Variants in NCOA2 observed in about 807,000 individuals in gnomAD.
NCOA2 encodes the protein nuclear receptor coactivator 2.
Under a neutral mutation model 145.1 loss-of-function variants are expected in NCOA2, and 21 were observed. That is an observed-to-expected ratio of 0.14 (90% confidence interval 0.10 to 0.21). The LOEUF (loss-of-function observed/expected upper bound fraction) is 0.21. NCOA2 is among the 10% of genes least tolerant of loss of function. The probability of loss-of-function intolerance (pLI) is 1.00; values close to 1 mark genes in which losing one functional copy is unlikely to be tolerated. For missense variants in NCOA2, 1,472 were observed against 1,837.6 expected, an observed-to-expected ratio of 0.80 and a Z score of 3.64; for synonymous variants, 619 against 637.5, an observed-to-expected ratio of 0.97 and a Z score of 0.44.
At chr8:70,258,833 C>A (rs186641006) in intron 2 of NCOA2, among the ~76,000 whole-genome samples, 53 of 152,278 alleles carry the variant, frequency 3.5e-4, no homozygotes, top group African/African-American at 9.6e-4. Flanking sequence ...ATTATATTAA[C>A]CATCTAACAT....
At chr8:70,408,648 T>C (rs552448570), upstream of NCOA2, among the ~76,000 whole-genome samples, 1 of 151,650 alleles carries the variant, frequency 6.6e-6, no homozygotes, top group African/African-American at 2.4e-5. Flanking sequence ...AAGTTAATTT[T>C]TGTGTGTGTG....
chr8:70,291,678 T>G (rs1388632943), intron 2 of NCOA2, among the ~76,000 whole-genome samples: 2 of 152,216 alleles, frequency 1.3e-5, no homozygotes, highest in Non-Finnish European at 2.9e-5. Context: ...GAGGTGCGTG[T>G]CTTCCTAAGA....
chr8:70,240,946 A>T (rs1822072176), intron 2 of NCOA2, among the ~76,000 whole-genome samples: 1 of 152,154 alleles, frequency 6.6e-6, no homozygotes, highest in African/African-American at 2.4e-5. Context: ...CTAGGTGAGA[A>T]TCTCCAAGTG....
intron 19 of NCOA2, among the ~76,000 whole-genome samples, chr8:70,125,835 G>A (rs73684402): frequency 0.011 from 1,670 of 152,246 alleles, 33 homozygotes; most frequent in African/African-American, 0.039. Context: ...AAAGGAAAGA[G>A]AACTTTCAGC....
At chr8:70,171,600 G>A (rs1456402117) in intron 5 of NCOA2, among the ~76,000 whole-genome samples, 3 of 152,152 alleles carry the variant, frequency 2.0e-5, no homozygotes, top group Admixed American at 6.5e-5. Flanking sequence ...GCTTTACATT[G>A]ATTCATCATA....
intron 1 of NCOA2, among the ~76,000 whole-genome samples, chr8:70,331,912 A>T (rs1338922731): frequency 2.0e-5 from 3 of 152,276 alleles, no homozygotes; most frequent in Non-Finnish European, 4.4e-5. Flanking sequence ...TTACATCATG[A>T]CATGAATAGA....
intron 22 of NCOA2, 59 bp from the exon 23 acceptor site, chr8:70,113,702 T>C: frequency 6.8e-7 from 1 of 1,480,688 alleles, no homozygotes; most frequent in Non-Finnish European, 9.2e-7. Flanking sequence ...AAAAACATCA[T>C]AAAGCCCACC....
In NCOA2 at chr8:70,227,590, G is replaced by A. The variant is rs16936836; in HGVS notation, c.-19-10826C>T. Among the ~76,000 whole-genome samples the A allele has an allele frequency of 4.1e-3, 622 of 152,188 alleles. 11 individuals carry two copies. Among genetic ancestry groups the A allele is most frequent in the African/African-American group, 0.014 (594 of 41,520 alleles). On this transcript the variant is annotated intron_variant, in intron 2 of 22. Transcript: ENST00000452400. ...ACAAATTCCTAAAAACTTACTCTTC[G>A]TCAGATCATTACAATTATTCTGAAC... is the stretch of plus-strand genomic sequence containing the variant.
At chr8:70,261,497 C>T (rs577157598) in intron 2 of NCOA2, among the ~76,000 whole-genome samples, 43 of 151,976 alleles carry the variant, frequency 2.8e-4, no homozygotes, top group Middle Eastern at 6.8e-3. Flanking sequence ...TGCTAAATGA[C>T]GAGTTAATGG....
chr8:70,283,825 T>A (rs1826050838), intron 2 of NCOA2, among the ~76,000 whole-genome samples: 1 of 152,196 alleles, frequency 6.6e-6, no homozygotes, highest in African/African-American at 2.4e-5. Context: ...ATCCTGTACG[T>A]TCCAGTGAGC....
chr8:70,402,886 G>GC (rs1586698370), intron 1 of NCOA2, among the ~76,000 whole-genome samples: 1 of 41,968 alleles, frequency 2.4e-5, no homozygotes, highest in Non-Finnish European at 5.0e-5. Flanking sequence ...CCGGCTCCCC[G>GC]CCCCCACCAC....
chr8:70,421,990 G>A, the NCOA2 span, among the ~76,000 whole-genome samples: 1 of 151,984 alleles, frequency 6.6e-6, no homozygotes, highest in Non-Finnish European at 1.5e-5. Flanking sequence ...AGCTACTTGG[G>A]AGGCTGAGGC....
At chr8:70,403,313 C>G (rs1046163372) in intron 1 of NCOA2, among the ~76,000 whole-genome samples, 1 of 151,326 alleles carries the variant, frequency 6.6e-6, no homozygotes, top group Non-Finnish European at 1.5e-5. Flanking sequence ...CCCGCACCCC[C>G]GGCCGCGCCT....
intron 1 of NCOA2, among the ~76,000 whole-genome samples, chr8:70,378,116 G>C (rs1457816280): frequency 4.6e-5 from 7 of 152,048 alleles, no homozygotes; most frequent in Non-Finnish European, 7.4e-5. Context: ...AGGCTTAAGA[G>C]ATACCGCTTA....
chr8:70,272,637 G>A (rs116513241), intron 2 of NCOA2, among the ~76,000 whole-genome samples: 5 of 152,130 alleles, frequency 3.3e-5, no homozygotes, highest in Non-Finnish European at 7.4e-5. Flanking sequence ...GGGTGTGCAC[G>A]TAAGAGGGAA....
At chr8:70,158,841 T>C (rs1408738216) in intron 10 of NCOA2, among the ~76,000 whole-genome samples, 2 of 152,116 alleles carry the variant, frequency 1.3e-5, no homozygotes, top group Non-Finnish European at 2.9e-5. Flanking sequence ...GTGACATCAA[T>C]ATTCCTGCCC....
At chr8:70,297,856 A>C (rs937660714) in intron 1 of NCOA2, among the ~76,000 whole-genome samples, 1 of 152,256 alleles carries the variant, frequency 6.6e-6, no homozygotes, top group African/African-American at 2.4e-5. Context: ...TTTGTTCCCA[A>C]GAAACACAAT....
In NCOA2 at chr8:70,403,649, T is replaced by TGCCGCCCGCCC. The variant is rs1554645651; in HGVS notation, c.-77+40_-77+50dup. On this transcript the variant is annotated intron_variant, in intron 1 of 22. Coordinates refer to ENST00000452400, the MANE Select transcript of NCOA2 (RefSeq NM_006540.4). Reference sequence around the variant, plus strand: ...GGGTGGGGACGCGGCGCCCCCCGCCTGCCGCCCGCCCCCCGCCCGCCCTCG... The same window carrying TGCCGCCCGCCC: ...GGGTGGGGACGCGGCGCCCCCCGCCTGCCGCCCGCCCGCCGCCCGCCCCCCGCCCGCCCTCG... 23 of 357,662 alleles carry TGCCGCCCGCCC rather than the reference T, an allele frequency of 6.4e-5. No homozygotes were observed. In the Admixed American group the frequency reaches 1.1e-3, roughly 17 times the overall value. 22.2% of individuals were successfully genotyped at this position (357,662 alleles called of 1,614,324 possible).
chr8:70,310,462 T>A (rs977524402), intron 1 of NCOA2, among the ~76,000 whole-genome samples: 6 of 152,124 alleles, frequency 3.9e-5, no homozygotes, highest in Non-Finnish European at 8.8e-5. Context: ...GTTTGTAGTA[T>A]CTAAACACAC....
Sources: gnomAD v4.1 joint callset for allele counts (sites outside exome capture counted in the v4.1 genomes callset) on GRCh38, gnomAD v4.1.1 for gene constraint, MANE v1.5 for transcripts, NCBI Gene and HGNC (gene_info 2026-07-23, HGNC 2026-07-21) for gene names.